Variants in DSCAML1 observed in about 807,000 individuals in gnomAD.
The protein encoded by DSCAML1 is cell adhesion molecule DSCAML1.
In DSCAML1, 38 loss-of-function variants were observed where a neutral mutation model predicts 200.5. The ratio of observed to expected loss-of-function variants is 0.19; its 90% CI spans 0.15 to 0.25. The LOEUF is 0.25. DSCAML1 is among the 10% of genes least tolerant of loss of function. The pLI is 1.00. For missense variants in DSCAML1, 2,223 were observed against 2,858.8 expected (o/e 0.78, Z 5.07); for synonymous variants, 1,215 against 1,165.0 (o/e 1.04, Z -0.87).
At position 117,780,294 on chromosome 11, in the gene DSCAML1, A is replaced by AAGAAAGAAAGAAAGAAAGAC. The variant is rs2055225646; in HGVS notation, c.364+198_364+199insGTCTTTCTTTCTTTCTTTCT. ...AAAGAAAGAAAGAAAGAAAGAAAGA[A>AAGAAAGAAAGAAAGAAAGAC]AGAAAGAAAGAGAGAAAGGAGAAAG... is the stretch of plus-strand genomic sequence containing the variant. On this transcript the variant is annotated intron_variant, in intron 2 of 32. Coordinates refer to ENST00000651296, the MANE Select transcript of DSCAML1 (RefSeq NM_020693.4). The surrounding 1 kb of genome is among the most constrained non-coding windows in gnomAD (Gnocchi z 4.8). Among the ~76,000 whole-genome samples the AAGAAAGAAAGAAAGAAAGAC allele has an allele frequency of 1.9e-5, 2 of 106,648 alleles. No homozygotes were observed. The highest frequency in any genetic ancestry group is 6.2e-5 in the African/African-American group (2 of 32,142). The allele number at this position is 106,648 out of a possible 152,430, so 70.0% of individuals were successfully genotyped here.
chr11:117,736,409 G>A (rs2054317091), intron 3 of DSCAML1, among the ~76,000 whole-genome samples: 1 of 152,238 alleles, frequency 6.6e-6, no homozygotes, highest in African/African-American at 2.4e-5. Flanking sequence ...CAAGATGGAA[G>A]CCATAGTCCT....
Position 117,480,494 on chromosome 11 carries a change from C to T in DSCAML1, c.2734G>A (p.Asp912Asn), listed in dbSNP as rs779728724. Residue 912 changes from aspartate to asparagine, a missense_variant, in exon 14 of 33, where the codon GAC becomes AAC. By Grantham distance (23) the Asp-to-Asn change is conservative. Around this residue, in one of 7 missense-constraint regions of DSCAML1, gnomAD observed 438 missense variants for 629.7 expected, o/e 0.70. Coordinates refer to ENST00000651296, the MANE Select transcript of DSCAML1 (RefSeq NM_020693.4). The surrounding 1 kb of genome is among the most constrained non-coding windows in gnomAD (Gnocchi z 4.1). ...SMNLRWTQRF[D>N]GNSIITGFDI... ...AAGCCCGTGATGATGCTGTTCCCGT[C>T]GAATCGCTGGGTCCAGCGCAGGTTC... 18 of 1,611,784 alleles carry T rather than the reference C, an allele frequency of 1.1e-5. No individual in the cohort carries two copies. The highest frequency in any genetic ancestry group is 8.8e-5 in the South Asian group (8 of 90,436).
At chr11:117,613,071 GTGTATA>G (rs1254669365) in intron 3 of DSCAML1, among the ~76,000 whole-genome samples, 5 of 152,060 alleles carry the variant, frequency 3.3e-5, no homozygotes, top group Admixed American at 2.0e-4. Flanking sequence ...TTCCAATTTT[GTGTATA>G]TGTATATTTT....
At chr11:117,453,100 A>T (rs998966084) in intron 19 of DSCAML1, among the ~76,000 whole-genome samples, 3 of 151,884 alleles carry the variant, frequency 2.0e-5, no homozygotes, top group African/African-American at 7.3e-5. Flanking sequence ...ATGCCAGGTT[A>T]ATTTTTGTAT....
At chr11:117,778,241 G>A (rs1373298828) in intron 2 of DSCAML1, among the ~76,000 whole-genome samples, 1 of 152,258 alleles carries the variant, frequency 6.6e-6, no homozygotes, top group East Asian at 1.9e-4. Context: ...GTGGCTCTGT[G>A]GATCTGTGGT....
At chr11:117,737,271 G>A (rs757903009) in intron 3 of DSCAML1, among the ~76,000 whole-genome samples, 12 of 152,200 alleles carry the variant, frequency 7.9e-5, no homozygotes, top group Non-Finnish European at 1.3e-4. Flanking sequence ...GAAAAAGGAA[G>A]AACAGCTGTA....
chr11:117,481,924 A>C, intron 12 of DSCAML1, 39 bp downstream of exon 12: 1 of 1,610,784 alleles, frequency 6.2e-7, no homozygotes, highest in Non-Finnish European at 8.5e-7. Flanking sequence ...CCACTCTCTG[A>C]GAGTTGGGGT....
At chr11:117,572,614 T>C (rs2050865233) in intron 3 of DSCAML1, among the ~76,000 whole-genome samples, 1 of 152,096 alleles carries the variant, frequency 6.6e-6, no homozygotes, top group Non-Finnish European at 1.5e-5. Flanking sequence ...TAGTGCTCAA[T>C]AAGTACTTAC....
At chr11:117,442,107 ATG>A (rs1306931534) in intron 21 of DSCAML1, among the ~76,000 whole-genome samples, 3 of 149,758 alleles carry the variant, frequency 2.0e-5, no homozygotes, top group South Asian at 2.1e-4. Flanking sequence ...CATGTTGTGT[ATG>A]TGCATATGTG....
Position 117,482,165 on chromosome 11 carries a change from G to A in DSCAML1, c.2360-3C>T, listed in dbSNP as rs371637278. ...GTGGGAAGTGATCATGGCCGGGACT[G>A]GGGGGCGGAGGCAGAGAAGGCCCAG... On this transcript the variant is annotated splice_region_variant and splice_polypyrimidine_tract_variant and intron_variant, in intron 11 of 32. Transcript: ENST00000651296. The A allele has an allele frequency of 1.1e-5, 17 of 1,613,732 alleles. No individual in the cohort carries two copies. The African/African-American group carries it at 1.3e-4, about 13-fold the overall frequency.
intron 1 of DSCAML1, among the ~76,000 whole-genome samples, chr11:117,814,613 G>A (rs1591528968): frequency 6.6e-6 from 1 of 152,242 alleles, no homozygotes; most frequent in East Asian, 1.9e-4. Flanking sequence ...CCAAAGGGGG[G>A]TGAGGCACTG....
chr11:117,642,246 C>T lies in DSCAML1; in HGVS notation c.512-109724G>A, dbSNP rs956725936. On this transcript the variant is annotated intron_variant, in intron 3 of 32. Transcript: ENST00000651296. The surrounding 1 kb of genome is among the most constrained non-coding windows in gnomAD (Gnocchi z 4.1). ...CACTTTTGGACACCATAGTGCTAGC[C>T]ACTGCAAGGAGTGCTTTCATCCCCA... Among the ~76,000 whole-genome samples, 3 of 152,200 alleles carry T rather than the reference C, an allele frequency of 2.0e-5. No individual in the cohort carries two copies. Among genetic ancestry groups the T allele is most frequent in the Non-Finnish European group, 4.4e-5 (3 of 68,036 alleles).
intron 20 of DSCAML1, among the ~76,000 whole-genome samples, chr11:117,445,610 C>T (rs2048162388): frequency 6.6e-6 from 1 of 152,224 alleles, no homozygotes; most frequent in Non-Finnish European, 1.5e-5. Context: ...GGGGTGTGCA[C>T]GTCCTTTGTA....
chr11:117,812,961 T>A (rs2055773802), intron 1 of DSCAML1, among the ~76,000 whole-genome samples: 1 of 152,078 alleles, frequency 6.6e-6, no homozygotes, highest in South Asian at 2.1e-4. Flanking sequence ...TCCTACAAGG[T>A]CTGAGAAGGC....
At chr11:117,716,824 C>A (rs559282655) in intron 3 of DSCAML1, among the ~76,000 whole-genome samples, 1 of 152,210 alleles carries the variant, frequency 6.6e-6, no homozygotes, top group Admixed American at 6.5e-5. Flanking sequence ...CATGCCCGCT[C>A]ACCCATGTAT....
chr11:117,770,099 C>T (rs1349602716), intron 3 of DSCAML1, among the ~76,000 whole-genome samples: 2 of 152,172 alleles, frequency 1.3e-5, no homozygotes, highest in East Asian at 1.9e-4. Context: ...CTTGAGGGCC[C>T]GTCTCCTTCA....
At position 117,648,802 on chromosome 11, in the gene DSCAML1, G is replaced by A. The variant is rs533113772; in HGVS notation, c.512-116280C>T. Among the ~76,000 whole-genome samples the A allele has an allele frequency of 3.9e-5, 6 of 152,236 alleles. No homozygotes were observed. The South Asian group carries it at 8.3e-4, about 21-fold the overall frequency. ...CAGGTGGCCCAGAATCCAAGGCGGC[G>A]CCTTCTCCAGAGATAGGAGGTAAAA... On this transcript the variant is annotated intron_variant, in intron 3 of 32. Transcript: ENST00000651296.
rs1434148681 is a variant in DSCAML1, at chr11:117,437,613, G to A, written c.4433-204C>T. 1.3e-5 allele frequency among the ~76,000 whole-genome samples: 2 copies of A among 152,152 alleles called. No homozygotes were observed. Among genetic ancestry groups the A allele is most frequent in the African/African-American group, 4.8e-5 (2 of 41,430 alleles). On this transcript the variant is annotated intron_variant, in intron 25 of 32. Transcript: ENST00000651296. This position sits in a 1 kb window ranked among gnomAD's most constrained non-coding sequence, Gnocchi z 5.3. ...AGGGAGGAGAGGGAAGAAAAGGGCAGGGCCTGGAGAGGGGCCTCAGTAGAG... is the reference window on the plus strand; with the variant it reads ...AGGGAGGAGAGGGAAGAAAAGGGCAAGGCCTGGAGAGGGGCCTCAGTAGAG...
intron 3 of DSCAML1, among the ~76,000 whole-genome samples, chr11:117,579,071 A>G (rs1254213936): frequency 6.6e-6 from 1 of 152,084 alleles, no homozygotes; most frequent in Non-Finnish European, 1.5e-5. Context: ...CTATCTCCAA[A>G]TATATCCCAG....
Sources: gnomAD v4.1 joint callset for allele counts (sites outside exome capture counted in the v4.1 genomes callset) on GRCh38, gnomAD v4.1.1 for gene constraint, gnomAD v4.1.1 regional missense constraint, Gnocchi (gnomAD v3.1) non-coding constraint, MANE v1.5 for transcripts, NCBI Gene and HGNC (gene_info 2026-07-23, HGNC 2026-07-21) for gene names.